Variants in PAPPA2 observed in about 807,000 individuals in gnomAD.
PAPPA2 encodes the protein pappalysin 2, also known as pappalysin-2.
A neutral mutation model predicts 176.4 loss-of-function variants in PAPPA2; 86 were observed. The ratio of observed to expected loss-of-function variants is 0.49; its 90% CI spans 0.41 to 0.58. The LOEUF is 0.58. Ranked by LOEUF, PAPPA2 falls within the 20% of genes least tolerant of loss-of-function variation. The pLI, the probability that PAPPA2 is intolerant of heterozygous loss-of-function variation, is 0.00. For synonymous variants in PAPPA2, 809 were observed against 852.2 expected (o/e 0.95, Z 0.88); for missense variants, 2,073 against 2,256.9 (o/e 0.92, Z 1.65).
chr1:176,835,820 C>G (rs1194195466), intron 21 of PAPPA2, among the ~76,000 whole-genome samples: 2 of 152,124 alleles, frequency 1.3e-5, no homozygotes, highest in African/African-American at 4.8e-5. Context: ...GCCTGGCAGT[C>G]TTTCATCTTT....
chr1:176,690,269 C>T lies in PAPPA2; in HGVS notation c.2270C>T (p.Pro757Leu), dbSNP rs1406002820. ...GVSERESCND[P>L]CKETVPSMET... ...AGTGAAAGAGAATCCTGCAATGACC[C>T]CTGCAAGGAGACAGTGCCATCCATG... Residue 757 changes from proline (P) to leucine (L), a missense_variant, in exon 5 of 23, where the codon CCC (proline) becomes CTC (leucine). Pro to Leu is a moderately conservative substitution (Grantham distance 98, BLOSUM62 -3). This residue lies in a region of PAPPA2 where 1,196 missense variants were observed against 1,330.4 expected (regional missense o/e 0.90). Coordinates refer to ENST00000367662, the MANE Select transcript of PAPPA2 (RefSeq NM_020318.3). 6.2e-7 allele frequency: 1 copy of T among 1,613,918 alleles called. No individual in the cohort carries two copies. Among genetic ancestry groups the T allele is most frequent in the Non-Finnish European group, 8.5e-7 (1 of 1,179,998 alleles).
At chr1:176,537,929 C>G (rs148648793) in intron 1 of PAPPA2, among the ~76,000 whole-genome samples, 55 of 152,176 alleles carry the variant, frequency 3.6e-4, no homozygotes, top group African/African-American at 1.2e-3. Flanking sequence ...TGGATTCCTT[C>G]TTCTACTGGA....
Position 176,825,744 on chromosome 1 carries a change from T to C in PAPPA2, c.5203-14429T>C, listed in dbSNP as rs117667294. 8.2e-4 allele frequency among the ~76,000 whole-genome samples: 125 copies of C among 152,336 alleles called. 1 individual carries two copies. In the East Asian group the frequency reaches 0.023, roughly 28 times the overall value. Reference sequence around the variant, plus strand: ...TTTGCTTTGAAACCATGTTACGTATTATATCCCCATAGTTGAGCAAGGTAA... The same window carrying C: ...TTTGCTTTGAAACCATGTTACGTATCATATCCCCATAGTTGAGCAAGGTAA... On this transcript the variant is annotated intron_variant, in intron 21 of 22. Coordinates refer to ENST00000367662, the MANE Select transcript of PAPPA2 (RefSeq NM_020318.3).
rs115499692 is a variant in PAPPA2 at position 176,772,903 on chromosome 1, G to T, written c.4715+1723G>T. On this transcript the variant is annotated intron_variant, in intron 17 of 22. Coordinates refer to ENST00000367662, the MANE Select transcript of PAPPA2 (RefSeq NM_020318.3). Reference sequence around the variant, plus strand: ...TTTTTACACACCAGCAGCCACCTCAGATATCTGCAGAATAGTGCCATGAAG... The same window carrying T: ...TTTTTACACACCAGCAGCCACCTCATATATCTGCAGAATAGTGCCATGAAG... 3.3e-3 allele frequency among the ~76,000 whole-genome samples: 506 copies of T among 152,154 alleles called. 2 individuals are homozygous for T. Among genetic ancestry groups the T allele is most frequent in the African/African-American group, 0.012 (495 of 41,524 alleles).
intron 2 of PAPPA2, among the ~76,000 whole-genome samples, chr1:176,567,605 G>A (rs1046744698): frequency 6.6e-6 from 1 of 152,176 alleles, no homozygotes; most frequent in Admixed American, 6.5e-5. Context: ...CCACATGTTG[G>A]GGAATCAAGA....
intron 1 of PAPPA2, among the ~76,000 whole-genome samples, chr1:176,517,504 T>C (rs1264775605): frequency 6.6e-6 from 1 of 152,128 alleles, no homozygotes; most frequent in African/African-American, 2.4e-5. Context: ...AAACTATCAA[T>C]GTGAGGAGAT....
chr1:176,778,718 C>T (rs1048289798), intron 17 of PAPPA2, among the ~76,000 whole-genome samples: 1 of 152,118 alleles, frequency 6.6e-6, no homozygotes, highest in Non-Finnish European at 1.5e-5. Flanking sequence ...TCTATGATTG[C>T]TCAAGGAAAG....
intron 3 of PAPPA2, among the ~76,000 whole-genome samples, chr1:176,660,152 C>T (rs1387240291): frequency 6.6e-6 from 1 of 152,022 alleles, no homozygotes; most frequent in African/African-American, 2.4e-5. Flanking sequence ...TAGCACTGAT[C>T]CAGGACAGAT....
intron 1 of PAPPA2, among the ~76,000 whole-genome samples, chr1:176,551,198 G>A (rs976176938): frequency 1.3e-5 from 2 of 152,214 alleles, no homozygotes; most frequent in African/African-American, 4.8e-5. Context: ...GCAGAAAGCA[G>A]CAACCCTGAG....
At chr1:176,652,403 C>T (rs1432719943) in intron 3 of PAPPA2, among the ~76,000 whole-genome samples, 1 of 151,592 alleles carries the variant, frequency 6.6e-6, no homozygotes, top group Non-Finnish European at 1.5e-5. Context: ...CTAAATGGCA[C>T]CTTAAGTCCA....
chr1:176,649,334 G>C (rs1657581208), intron 3 of PAPPA2, among the ~76,000 whole-genome samples: 1 of 150,208 alleles, frequency 6.7e-6, no homozygotes, highest in African/African-American at 2.4e-5. Context: ...CTTTTTCTTA[G>C]CTATTCTAGC....
At chr1:176,689,314 A>G (rs567643391) in intron 4 of PAPPA2, among the ~76,000 whole-genome samples, 1 of 152,298 alleles carries the variant, frequency 6.6e-6, no homozygotes, top group South Asian at 2.1e-4. Context: ...GATACCACTA[A>G]GTCTCTCATC....
At chr1:176,697,314 G>T (rs1039969419) in intron 7 of PAPPA2, among the ~76,000 whole-genome samples, 2 of 152,150 alleles carry the variant, frequency 1.3e-5, no homozygotes, top group Admixed American at 1.3e-4. Context: ...GGACCTTTAT[G>T]CTGCTAGTAT....
intron 4 of PAPPA2, among the ~76,000 whole-genome samples, chr1:176,688,031 G>A (rs2102801402): frequency 6.6e-6 from 1 of 152,228 alleles, no homozygotes; most frequent in Middle Eastern, 3.4e-3. Flanking sequence ...CCCAGGTTCA[G>A]ATTTTATGAA....
intron 3 of PAPPA2, among the ~76,000 whole-genome samples, chr1:176,643,996 G>GA (rs1657247060): frequency 6.6e-6 from 1 of 151,916 alleles, no homozygotes; most frequent in South Asian, 2.1e-4. Flanking sequence ...GGGTGTGTAT[G>GA]AAATTCTCTT....
At chr1:176,793,066 C>T (rs538577564) in intron 19 of PAPPA2, among the ~76,000 whole-genome samples, 2 of 152,214 alleles carry the variant, frequency 1.3e-5, no homozygotes, top group African/African-American at 4.8e-5. Flanking sequence ...TGGGCCATTT[C>T]CCGCCACCCA....
intron 12 of PAPPA2, 72 bp downstream of exon 12, chr1:176,712,053 G>A: frequency 1.3e-6 from 2 of 1,496,536 alleles, no homozygotes; most frequent in South Asian, 1.3e-5. Flanking sequence ...GTGTGTGTGT[G>A]TGTGTAAATG....
At chr1:176,828,030 A>C (rs1222841698) in intron 21 of PAPPA2, among the ~76,000 whole-genome samples, 1 of 152,066 alleles carries the variant, frequency 6.6e-6, no homozygotes, top group Non-Finnish European at 1.5e-5. Flanking sequence ...CCAGGTGTAC[A>C]GTACCAAGCA....
At chr1:176,675,679 A>G (rs1263355676) in intron 4 of PAPPA2, among the ~76,000 whole-genome samples, 1 of 152,138 alleles carries the variant, frequency 6.6e-6, no homozygotes, top group African/African-American at 2.4e-5. Flanking sequence ...TTAGAGTTCT[A>G]GAAGAAGACA....
Sources: allele counts gnomAD v4.1 joint callset (sites outside exome capture counted in the v4.1 genomes callset), GRCh38; gene constraint gnomAD v4.1.1; regional missense constraint gnomAD v4.1.1; transcripts MANE v1.5; gene names NCBI Gene and HGNC (gene_info 2026-07-23, HGNC 2026-07-21).